The following C4A variants were observed in gnomAD, a reference collection of about 807,000 sequenced individuals.
C4A encodes complement C4-A.
C4A carries 12 observed loss-of-function variants against 45.7 expected under a neutral mutation model. The observed-to-expected ratio is 0.26, with a 90% confidence interval of 0.17 to 0.43. The LOEUF (loss-of-function observed/expected upper bound fraction) is 0.43. Ranked by LOEUF, C4A falls within the 20% of genes least tolerant of loss-of-function variation. The probability of loss-of-function intolerance (pLI) is 1.00; values close to 1 mark genes in which losing one functional copy is unlikely to be tolerated. For missense variants in C4A, 127 were observed against 534.4 expected (o/e 0.24, Z 7.52); for synonymous variants, 66 against 230.7 (o/e 0.29, Z 6.47).
rs1324411245 is a variant in C4A, at chr6:31,996,571, A to G, written c.3647A>G (p.Asn1216Ser). 7.2e-5 allele frequency: 114 copies of G among 1,588,508 alleles called. 10 individuals carry two copies. Among genetic ancestry groups the G allele is most frequent in the Non-Finnish European group, 9.8e-5 (114 of 1,158,422 alleles). ...GACCTGCTCGGTGTTGCCCACAACA[A>G]CCTCATGGCAATGGCCCAGGAGACT... ...PVDLLGVAHN[N>S]LMAMAQETGD... The change falls in exon 28 of 41, where the codon AAC becomes AGC. Residue 1216 changes from asparagine (N) to serine (S), a missense_variant. Physicochemically the swap from Asn to Ser is conservative, Grantham distance 46. Transcript: ENST00000428956.
intron 30 of C4A, 174 bp from the exon 31 acceptor site, chr6:31,997,531 A>G: frequency 1.6e-6 from 1 of 634,848 alleles, no homozygotes. Flanking sequence ...TTCACCCTAC[A>G]GGGTCGTTAG....
At position 31,996,555 on chromosome 6, in the gene C4A, G is replaced by C. The variant is rs776372955; in HGVS notation, c.3631G>C (p.Gly1211Arg). ...GACCAAGGCGCCTGTGGACCTGCTCGGTGTTGCCCACAACAACCTCATGGC... is the reference window on the plus strand; with the variant it reads ...GACCAAGGCGCCTGTGGACCTGCTCCGTGTTGCCCACAACAACCTCATGGC... ...TLTKAPVDLL[G>R]VAHNNLMAMA... Residue 1211 changes from glycine (G) to arginine (R), a missense_variant, in exon 28 of 41, where the codon GGT (glycine) becomes CGT (arginine). Transcript: ENST00000428956. 1.9e-6 allele frequency: 3 copies of C among 1,587,560 alleles called. No individual in the cohort carries two copies. The highest frequency in any genetic ancestry group is 2.2e-5 in the East Asian group (1 of 44,782).
Position 31,996,536 on chromosome 6 carries a change from G to A in C4A, c.3612G>A (p.Lys1204=). The change falls in exon 28 of 41, where the codon AAG becomes AAA. Residue 1204 remains lysine (K), a synonymous_variant. Transcript: ENST00000428956. ...CGGCCTATGCCCTGACACTGACCAAGGCGCCTGTGGACCTGCTCGGTGTTG... is the reference window on the plus strand; with the variant it reads ...CGGCCTATGCCCTGACACTGACCAAAGCGCCTGTGGACCTGCTCGGTGTTG... The part of the protein sequence containing the change: ...AITAYALTLT[K]APVDLLGVAH... 6.3e-7 allele frequency: 1 copy of A among 1,586,774 alleles called. No homozygotes were observed. The highest frequency in any genetic ancestry group is 1.7e-4 in the Middle Eastern group (1 of 6,046).
In C4A at chr6:31,996,522, C is replaced by G; in HGVS notation, c.3598C>G (p.Leu1200Val). ...CGCAGCTGCCATCACGGCCTATGCC[C>G]TGACACTGACCAAGGCGCCTGTGGA... ...AHAAAITAYA[L>V]TLTKAPVDLL... The change falls in exon 28 of 41, where the codon CTG becomes GTG. Residue 1200 changes from leucine (L) to valine (V), a missense_variant. Coordinates refer to ENST00000428956, the MANE Select transcript of C4A (RefSeq NM_007293.3). 6.3e-7 allele frequency: 1 copy of G among 1,587,192 alleles called. No individual in the cohort carries two copies. Among genetic ancestry groups the G allele is most frequent in the South Asian group, 1.1e-5 (1 of 90,902 alleles).
rs1265068888 is a variant in C4A, at chr6:31,996,023, T to C, written c.3299T>C (p.Leu1100Pro). 1 of 1,585,104 alleles carries C rather than the reference T, an allele frequency of 6.3e-7. No individual in the cohort carries two copies. Among genetic ancestry groups the C allele is most frequent in the Non-Finnish European group, 8.7e-7 (1 of 1,155,576 alleles). Reference protein sequence around the residue: ...QEQVGGSPEKLQETSNWLLSQ... With the variant: ...QEQVGGSPEKPQETSNWLLSQ... ...CAGGTAGGAGGCTCGCCTGAGAAAC[T>C]GCAGGAGACATCTAACTGGCTTCTG... The change falls in exon 26 of 41, where the codon CTG (leucine) becomes CCG (proline). Residue 1100 changes from leucine (L) to proline (P), a missense_variant. By Grantham distance (98) the Leu-to-Pro change is moderately conservative. Transcript: ENST00000428956.
chr6:31,996,653 A>G, intron 28 of C4A, 53 bp downstream of exon 28: 1 of 1,585,378 alleles, frequency 6.3e-7, no homozygotes. Context: ...GGACCTTAGG[A>G]TCCCTGAGTG....
In C4A at chr6:31,996,009, C is replaced by A. The variant is rs140362734; in HGVS notation, c.3285C>A (p.Gly1095=). 7,990 of 1,579,022 alleles carry A rather than the reference C, an allele frequency of 5.1e-3. 579 individuals carry two copies. The East Asian group carries it at 0.075, about 15-fold the overall frequency. ...GTTTGGCCCAGGAGCAGGTAGGAGG[C>A]TCGCCTGAGAAACTGCAGGAGACAT... ...VLSLAQEQVG[G]SPEKLQETSN... is the part of the protein sequence containing the mutation. The change falls in exon 26 of 41, where the codon GGC becomes GGA. Residue 1095 remains glycine, a synonymous_variant. Coordinates refer to ENST00000428956, the MANE Select transcript of C4A (RefSeq NM_007293.3).
Position 31,995,419 on chromosome 6 carries a change from G to T in C4A, c.3034G>T (p.Glu1012Ter), listed in dbSNP as rs1234853876. 7.4e-6 allele frequency: 3 copies of T among 403,624 alleles called. No homozygotes were observed. The highest frequency in any genetic ancestry group is 1.3e-5 in the Non-Finnish European group (3 of 233,658). 25.0% of individuals were successfully genotyped at this position (403,624 alleles called of 1,614,324 possible). A position where few individuals can be genotyped will look rare whatever the true frequency, so the allele number is the denominator to read the frequency against. Residue 1012 changes from glutamate (E) to a stop codon, truncating the protein, a stop_gained, in exon 24 of 41, where the codon GAG (glutamate) becomes TAG (stop). Coordinates refer to ENST00000428956, the MANE Select transcript of C4A (RefSeq NM_007293.3). LOFTEE classifies it high-confidence loss of function. The part of the protein sequence containing the change: ...SLLRLPRGCG[E>*]QTMIYLAPTL... ...CTTGAGGCTTCCTCGAGGCTGTGGGGAGCAAACCATGATCTACTTGGCTCC... is the reference window on the plus strand; with the variant it reads ...CTTGAGGCTTCCTCGAGGCTGTGGGTAGCAAACCATGATCTACTTGGCTCC...
In C4A at chr6:31,994,385, G is replaced by A. The variant is rs754481447; in HGVS notation, c.2592+1G>A. On this transcript the variant is annotated splice_donor_variant, in intron 20 of 40. Coordinates refer to ENST00000428956, the MANE Select transcript of C4A (RefSeq NM_007293.3). LOFTEE classifies it high-confidence loss of function. ...TAACTACCTGGATAAAAACCTGACTGTGAGGCCCCATAGGAGCCTGAGCAT... is the reference window on the plus strand; with the variant it reads ...TAACTACCTGGATAAAAACCTGACTATGAGGCCCCATAGGAGCCTGAGCAT... The A allele has an allele frequency of 6.9e-6, 9 of 1,306,310 alleles. 3 individuals carry two copies. The allele number at this position is 1,306,310 out of a possible 1,614,324, so 80.9% of individuals were successfully genotyped here. A position where few individuals can be genotyped will look rare whatever the true frequency, so the allele number is the denominator to read the frequency against.
rs1418776004 is a variant in C4A, at chr6:31,996,475, G to C, written c.3551G>C (p.Ser1184Thr). The C allele has an allele frequency of 1.3e-6, 2 of 1,589,116 alleles. No homozygotes were observed. Among genetic ancestry groups the C allele is most frequent in the South Asian group, 2.2e-5 (2 of 90,972 alleles). ...KANSFLGEKA[S>T]AGLLGAHAAA... is the part of the protein sequence containing the mutation. ...AACTCATTTTTGGGGGAGAAAGCAA[G>C]TGCTGGGCTCCTGGGTGCCCACGCA... Residue 1184 changes from serine to threonine, a missense_variant, in exon 28 of 41, where the codon AGT (serine) becomes ACT (threonine). Ser to Thr is a moderately conservative substitution (Grantham distance 58). Transcript: ENST00000428956.
rs79299066 is a variant in C4A at position 31,996,083 on chromosome 6, C to G, written c.3359C>G (p.Pro1120Arg). Residue 1120 changes from proline (P) to arginine (R), a missense_variant, in exon 26 of 41, where the codon CCC becomes CGC. Physicochemically the swap from Pro to Arg is moderately radical, Grantham distance 103 (BLOSUM62 -2). Transcript: ENST00000428956. ...QQQADGSFQDPCPVLDRSMQG... is the reference protein window; with the variant it reads ...QQQADGSFQDRCPVLDRSMQG... The stretch of plus-strand genomic sequence containing the variant: ...CAGGCTGACGGCTCGTTCCAGGACC[C>G]CTGTCCAGTGTTAGACAGGAGCATG... 767 of 1,587,572 alleles carry G rather than the reference C, an allele frequency of 4.8e-4. 37 individuals are homozygous for G. In the African/African-American group the frequency reaches 8.7e-3, roughly 18 times the overall value.
rs202174524 is a variant in C4A, at chr6:31,996,421, T to C, written c.3505-8T>C. 20,162 of 1,558,164 alleles carry C rather than the reference T, an allele frequency of 0.013. 182 individuals are homozygous for C. Among genetic ancestry groups the C allele is most frequent in the Non-Finnish European group, 0.012 (13,357 of 1,134,592 alleles). Reference sequence around the variant, plus strand: ...CAGGCCCAAGACCCTCCTCCCGTTTTCTTCCAGGAAGCCTCCATCTCAAAG... The same window carrying C: ...CAGGCCCAAGACCCTCCTCCCGTTTCCTTCCAGGAAGCCTCCATCTCAAAG... On this transcript the variant is annotated splice_polypyrimidine_tract_variant and splice_region_variant and intron_variant, in intron 27 of 40. Coordinates refer to ENST00000428956, the MANE Select transcript of C4A (RefSeq NM_007293.3).
intron 31 of C4A, 146 bp downstream of exon 31, chr6:31,997,910 CCCT>C: frequency 3.8e-6 from 2 of 525,388 alleles, no homozygotes; most frequent in South Asian, 4.1e-5. Flanking sequence ...GTGTTTTTCC[CCCT>C]GCTTGCTTTC....
Position 31,995,773 on chromosome 6 carries a change from T to G in C4A, c.3209T>G (p.Leu1070Trp). ...GCGGATGGTTCCTATGCGGCTTGGT[T>G]GTCACGGGACAGCAGCACCTGGTGA... is the stretch of plus-strand genomic sequence containing the variant. ...RKADGSYAAW[L>W]SRDSSTWLTA... Residue 1070 changes from leucine to tryptophan, a missense_variant, in exon 25 of 41, where the codon TTG (leucine) becomes TGG (tryptophan). Coordinates refer to ENST00000428956, the MANE Select transcript of C4A (RefSeq NM_007293.3). 6.3e-7 allele frequency: 1 copy of G among 1,578,970 alleles called. No individual in the cohort carries two copies. Among genetic ancestry groups the G allele is most frequent in the Non-Finnish European group, 8.7e-7 (1 of 1,151,042 alleles).
chr6:31,996,883 C>T lies in C4A; in HGVS notation c.3731C>T (p.Thr1244Ile). ...TCTCAGAGCAATGCCGTGTCGCCCA[C>T]CCCGGCTCCTCGCAACCCATCCGAC... ...TGSQSNAVSPTPAPRNPSDPM... is the reference protein window; with the variant it reads ...TGSQSNAVSPIPAPRNPSDPM... The change falls in exon 29 of 41, where the codon ACC becomes ATC. Residue 1244 changes from threonine to isoleucine, a missense_variant. Physicochemically the swap from Thr to Ile is moderately conservative, Grantham distance 89 (BLOSUM62 -1). Coordinates refer to ENST00000428956, the MANE Select transcript of C4A (RefSeq NM_007293.3). The T allele has an allele frequency of 9.8e-7, 1 of 1,018,078 alleles. No individual in the cohort carries two copies. Among genetic ancestry groups the T allele is most frequent in the Non-Finnish European group, 1.4e-6 (1 of 721,234 alleles). 63.1% of individuals were successfully genotyped at this position (1,018,078 alleles called of 1,614,324 possible). A position where few individuals can be genotyped will look rare whatever the true frequency, so the allele number is the denominator to read the frequency against.
In C4A at chr6:31,996,452, C is replaced by T; in HGVS notation, c.3528C>T (p.Asn1176=). The change falls in exon 28 of 41, where the codon AAC becomes AAT. Residue 1176 remains asparagine (N), a synonymous_variant. Transcript: ENST00000428956. The part of the protein sequence containing the change: ...QRVEASISKA[N]SFLGEKASAG... ...AGGAAGCCTCCATCTCAAAGGCAAA[C>T]TCATTTTTGGGGGAGAAAGCAAGTG... is the stretch of plus-strand genomic sequence containing the variant. 2 of 1,588,968 alleles carry T rather than the reference C, an allele frequency of 1.3e-6. No individual in the cohort carries two copies. Among genetic ancestry groups the T allele is most frequent in the Non-Finnish European group, 1.7e-6 (2 of 1,158,474 alleles).
intron 24 of C4A, 80 bp from the exon 25 acceptor site, chr6:31,995,639 G>T: frequency 7.4e-7 from 1 of 1,347,462 alleles, no homozygotes; most frequent in Non-Finnish European, 1.0e-6. Context: ...GGGGGCCCCT[G>T]ATGAGGATGG....
At position 31,996,554 on chromosome 6, in the gene C4A, C is replaced by T. The variant is rs28357077; in HGVS notation, c.3630C>T (p.Leu1210=). The change falls in exon 28 of 41, where the codon CTC becomes CTT. Residue 1210 remains leucine, a synonymous_variant. Coordinates refer to ENST00000428956, the MANE Select transcript of C4A (RefSeq NM_007293.3). ...LTLTKAPVDL[L]GVAHNNLMAM... is the part of the protein sequence containing the mutation. Reference sequence around the variant, plus strand: ...TGACCAAGGCGCCTGTGGACCTGCTCGGTGTTGCCCACAACAACCTCATGG... The same window carrying T: ...TGACCAAGGCGCCTGTGGACCTGCTTGGTGTTGCCCACAACAACCTCATGG... The T allele has an allele frequency of 3.3e-6, 5 of 1,529,808 alleles. No homozygotes were observed. Among genetic ancestry groups the T allele is most frequent in the East Asian group, 2.3e-5 (1 of 43,460 alleles). 94.8% of individuals were successfully genotyped at this position (1,529,808 alleles called of 1,614,324 possible). A position where few individuals can be genotyped will look rare whatever the true frequency, so the allele number is the denominator to read the frequency against.
rs760379575 is a variant in C4A at position 31,996,493 on chromosome 6, C to A, written c.3569C>A (p.Ala1190Asp). Residue 1190 changes from alanine (A) to aspartate (D), a missense_variant, in exon 28 of 41, where the codon GCC (alanine) becomes GAC (aspartate). Coordinates refer to ENST00000428956, the MANE Select transcript of C4A (RefSeq NM_007293.3). Reference protein sequence around the residue: ...GEKASAGLLGAHAAAITAYAL... With the variant: ...GEKASAGLLGDHAAAITAYAL... Reference sequence around the variant, plus strand: ...AAAGCAAGTGCTGGGCTCCTGGGTGCCCACGCAGCTGCCATCACGGCCTAT... The same window carrying A: ...AAAGCAAGTGCTGGGCTCCTGGGTGACCACGCAGCTGCCATCACGGCCTAT... 8 of 1,588,766 alleles carry A rather than the reference C, an allele frequency of 5.0e-6. 1 individual carries two copies. Among genetic ancestry groups the A allele is most frequent in the Non-Finnish European group, 6.9e-6 (8 of 1,158,296 alleles).
Sources: gnomAD v4.1 joint callset for allele counts on GRCh38, gnomAD v4.1.1 for gene constraint, MANE v1.5 for transcripts, NCBI Gene and HGNC (gene_info 2026-07-23, HGNC 2026-07-21) for gene names.